Variants in CACNA2D2 observed in about 807,000 individuals in gnomAD.
CACNA2D2 encodes the protein calcium voltage-gated channel auxiliary subunit alpha2delta 2.
A neutral mutation model predicts 166.4 loss-of-function variants in CACNA2D2; 48 were observed. The observed-to-expected ratio is 0.29, with a 90% CI of 0.23 to 0.37. The LOEUF is 0.37. Ranked by LOEUF, CACNA2D2 falls within the 10% of genes least tolerant of loss-of-function variation. The probability of loss-of-function intolerance (pLI) is 1.00; values close to 1 mark genes in which losing one functional copy is unlikely to be tolerated. For missense variants in CACNA2D2, 1,122 were observed against 1,433.0 expected, an observed-to-expected ratio of 0.78 and a Z score of 3.50; for synonymous variants, 561 against 573.7, an observed-to-expected ratio of 0.98 and a Z score of 0.32.
intron 2 of CACNA2D2, among the ~76,000 whole-genome samples, chr3:50,474,347 C>T (rs1710221121): frequency 6.6e-6 from 1 of 152,218 alleles, no homozygotes; most frequent in Non-Finnish European, 1.5e-5. Context: ...CTGTCCATTG[C>T]TGTTTTCACC....
At chr3:50,405,272 T>C (rs1706648626) in intron 3 of CACNA2D2, among the ~76,000 whole-genome samples, 1 of 150,858 alleles carries the variant, frequency 6.6e-6, no homozygotes, top group African/African-American at 2.5e-5. Context: ...TCTAGCCCCA[T>C]TGTTGCCTGT....
intron 2 of CACNA2D2, among the ~76,000 whole-genome samples, chr3:50,449,892 A>G (rs958479957): frequency 6.6e-5 from 10 of 152,172 alleles, no homozygotes; most frequent in African/African-American, 2.4e-4. Context: ...TCACCCATGA[A>G]GTGGAGCTGC....
intron 2 of CACNA2D2, among the ~76,000 whole-genome samples, chr3:50,462,323 G>A (rs1191635348): frequency 1.3e-5 from 2 of 151,536 alleles, no homozygotes. Context: ...GGGAGGTGGA[G>A]GTTGCAGTGA....
intron 1 of CACNA2D2, among the ~76,000 whole-genome samples, chr3:50,483,540 G>C (rs1316233380): frequency 6.6e-6 from 1 of 152,208 alleles, no homozygotes; most frequent in Non-Finnish European, 1.5e-5. Context: ...CAGACTAACA[G>C]TGAGCCATCA....
intron 2 of CACNA2D2, among the ~76,000 whole-genome samples, chr3:50,462,866 A>G (rs1403170618): frequency 6.6e-6 from 1 of 151,098 alleles, no homozygotes; most frequent in African/African-American, 2.5e-5. Flanking sequence ...AAATTTAAAA[A>G]TCCATCTAGA....
Position 50,379,404 on chromosome 3 carries a change from C to T in CACNA2D2, c.1152+28G>A, listed in dbSNP as rs756843460. On this transcript the variant is annotated intron_variant, in intron 11 of 37. Coordinates refer to ENST00000424201, the MANE Select transcript of CACNA2D2 (RefSeq NM_006030.4). The surrounding 1 kb of genome is among the most constrained non-coding windows in gnomAD (Gnocchi z 6.5). ...AGCCAGGGCCCTCTACTCCCCCAGC[C>T]GCCCACTTGCCCACCCATGGGGCTC... is the stretch of plus-strand genomic sequence containing the variant. The T allele has an allele frequency of 2.1e-5, 33 of 1,609,292 alleles. No individual in the cohort carries two copies. The highest frequency in any genetic ancestry group is 4.0e-5 in the African/African-American group (3 of 74,988).
intron 2 of CACNA2D2, among the ~76,000 whole-genome samples, chr3:50,450,779 T>C (rs193022226): frequency 6.6e-6 from 1 of 151,888 alleles, no homozygotes; most frequent in African/African-American, 2.4e-5. Context: ...AGGCCTCCCC[T>C]CCCTGCCCAC....
intron 1 of CACNA2D2, among the ~76,000 whole-genome samples, chr3:50,499,174 C>A (rs533805119): frequency 2.0e-4 from 31 of 152,272 alleles, no homozygotes; most frequent in African/African-American, 7.2e-4. Flanking sequence ...AGTGGCACAG[C>A]CCAGAGCTGG....
Position 50,366,780 on chromosome 3 carries a change from G to A in CACNA2D2, c.2589+51C>T, listed in dbSNP as rs1575583896. 2.5e-6 allele frequency: 4 copies of A among 1,582,908 alleles called. No homozygotes were observed. In the East Asian group the frequency reaches 9.0e-5, roughly 36 times the overall value. On this transcript the variant is annotated intron_variant, in intron 29 of 37. Coordinates refer to ENST00000424201, the MANE Select transcript of CACNA2D2 (RefSeq NM_006030.4). This position sits in a 1 kb window ranked among gnomAD's most constrained non-coding sequence, Gnocchi z 5.9. ...TGGAGGGTTGGTGGGGGTTCCAGGGGACTCCAGGAAGGGCACTGCTGGGTT... is the reference window on the plus strand; with the variant it reads ...TGGAGGGTTGGTGGGGGTTCCAGGGAACTCCAGGAAGGGCACTGCTGGGTT...
chr3:50,382,284 G>T (rs1705362334), intron 6 of CACNA2D2, among the ~76,000 whole-genome samples: 1 of 152,100 alleles, frequency 6.6e-6, no homozygotes, highest in South Asian at 2.1e-4. Context: ...CCCATGTGGA[G>T]CCCAGCCACC....
chr3:50,380,084 C>T lies in CACNA2D2; in HGVS notation c.843-66G>A. On this transcript the variant is annotated intron_variant, in intron 8 of 37. Coordinates refer to ENST00000424201, the MANE Select transcript of CACNA2D2 (RefSeq NM_006030.4). The surrounding 1 kb of genome is among the most constrained non-coding windows in gnomAD (Gnocchi z 4.9). ...ACCTTGTGGGTCCTTCCTTCCTTCA[C>T]ATACATATTGATTCAATACATTTCT... The T allele has an allele frequency of 2.0e-6, 3 of 1,500,050 alleles. No individual in the cohort carries two copies. Among genetic ancestry groups the T allele is most frequent in the East Asian group, 2.3e-5 (1 of 44,288 alleles). 92.9% of individuals were successfully genotyped at this position (1,500,050 alleles called of 1,614,324 possible). A position where few individuals can be genotyped will look rare whatever the true frequency, so the allele number is the denominator to read the frequency against.
At chr3:50,422,123 C>T (rs951915101) in intron 3 of CACNA2D2, among the ~76,000 whole-genome samples, 3 of 152,132 alleles carry the variant, frequency 2.0e-5, no homozygotes, top group Admixed American at 6.5e-5. Context: ...CTGGCTGCCT[C>T]ACCTTATCCT....
At chr3:50,426,255 A>G (rs1227318529) in intron 3 of CACNA2D2, among the ~76,000 whole-genome samples, 1 of 152,232 alleles carries the variant, frequency 6.6e-6, no homozygotes, top group African/African-American at 2.4e-5. Flanking sequence ...CAGCAAGTAG[A>G]GACTGGAATC....
At chr3:50,483,505 G>A (rs1186859468) in intron 1 of CACNA2D2, among the ~76,000 whole-genome samples, 1 of 152,200 alleles carries the variant, frequency 6.6e-6, no homozygotes, top group Non-Finnish European at 1.5e-5. Context: ...GCTCTGCTGG[G>A]AGGCAGCAGT....
At chr3:50,429,518 C>T (rs1404127903) in intron 3 of CACNA2D2, among the ~76,000 whole-genome samples, 3 of 146,342 alleles carry the variant, frequency 2.0e-5, no homozygotes, top group Admixed American at 1.4e-4. Context: ...TTTGGGAGGC[C>T]GAGACGGGCG....
chr3:50,380,640 G>T lies in CACNA2D2; in HGVS notation c.842+108C>A. The T allele has an allele frequency of 1.1e-6, 1 of 907,402 alleles. No homozygotes were observed. The highest frequency in any genetic ancestry group is 1.6e-6 in the Non-Finnish European group (1 of 613,472). 56.2% of individuals were successfully genotyped at this position (907,402 alleles called of 1,614,324 possible). ...ATGTGTGAAATGAAAATTGGATACA[G>T]CTGGCTGCGCCCTGCTAGGAGGCTT... On this transcript the variant is annotated intron_variant, in intron 8 of 37. Transcript: ENST00000424201. The surrounding 1 kb of genome is among the most constrained non-coding windows in gnomAD (Gnocchi z 4.9).
intron 3 of CACNA2D2, among the ~76,000 whole-genome samples, chr3:50,424,273 G>A (rs889937044): frequency 6.6e-6 from 1 of 152,094 alleles, no homozygotes; most frequent in African/African-American, 2.4e-5. Context: ...TTCTTTTTTG[G>A]GGCAGTGCAA....
chr3:50,393,595 C>T lies in CACNA2D2; in HGVS notation c.465+514G>A, dbSNP rs116028767. The stretch of plus-strand genomic sequence containing the variant: ...CTGCTCCAAGGAGCGAGCCTGAGCT[C>T]CTTCTGAGGTGGAAGGAGAGGCTTC... On this transcript the variant is annotated intron_variant, in intron 4 of 37. Coordinates refer to ENST00000424201, the MANE Select transcript of CACNA2D2 (RefSeq NM_006030.4). Among the ~76,000 whole-genome samples, 871 of 152,340 alleles carry T rather than the reference C, an allele frequency of 5.7e-3. 1 individual carries two copies. The highest frequency in any genetic ancestry group is 0.01 in the Middle Eastern group (3 of 294).
At chr3:50,448,380 A>G (rs1708950807) in intron 2 of CACNA2D2, among the ~76,000 whole-genome samples, 1 of 152,204 alleles carries the variant, frequency 6.6e-6, no homozygotes, top group South Asian at 2.1e-4. Flanking sequence ...CCATAAACCC[A>G]GATGATGCAG....
Sources: gnomAD v4.1 joint callset for allele counts (sites outside exome capture counted in the v4.1 genomes callset) on GRCh38, gnomAD v4.1.1 for gene constraint, Gnocchi (gnomAD v3.1) non-coding constraint, MANE v1.5 for transcripts, NCBI Gene and HGNC (gene_info 2026-07-23, HGNC 2026-07-21) for gene names.